Variants in CDC42BPA observed in about 807,000 individuals in gnomAD.
The protein encoded by CDC42BPA is CDC42 binding protein kinase alpha.
CDC42BPA carries 80 observed loss-of-function variants against 223.5 expected under a neutral mutation model. That is an observed-to-expected ratio of 0.36 (90% CI 0.30 to 0.43). CDC42BPA has a LOEUF of 0.43. Ranked by LOEUF, CDC42BPA falls within the 20% of genes least tolerant of loss-of-function variation. CDC42BPA has a pLI of 1.00. For synonymous variants in CDC42BPA, 694 were observed against 718.6 expected (o/e 0.97, Z 0.55); for missense variants, 1,743 against 2,099.9 (o/e 0.83, Z 3.32).
At chr1:227,240,192 T>TA (rs1288565926) in intron 2 of CDC42BPA, among the ~76,000 whole-genome samples, 14 of 152,224 alleles carry the variant, frequency 9.2e-5, no homozygotes, top group Middle Eastern at 3.4e-3. Context: ...TCAAAAAACT[T>TA]AAATACTTAG....
intron 34 of CDC42BPA, among the ~76,000 whole-genome samples, chr1:227,010,253 T>C (rs911885489): frequency 6.6e-6 from 1 of 152,218 alleles, no homozygotes; most frequent in Non-Finnish European, 1.5e-5. Context: ...TTTTCCTCTT[T>C]CTTTGCTTTA....
chr1:227,216,688 T>C (rs914284360), intron 2 of CDC42BPA, among the ~76,000 whole-genome samples: 17 of 152,342 alleles, frequency 1.1e-4, no homozygotes, highest in African/African-American at 3.6e-4. Context: ...CCTCAGGTCC[T>C]GTATTTTCAA....
intron 17 of CDC42BPA, among the ~76,000 whole-genome samples, chr1:227,076,723 C>T (rs1679566432): frequency 6.6e-6 from 1 of 152,144 alleles, no homozygotes; most frequent in Admixed American, 6.5e-5. Context: ...CATAATCACC[C>T]TCCCTACTAC....
intron 15 of CDC42BPA, among the ~76,000 whole-genome samples, chr1:227,093,186 A>T (rs1405558901): frequency 6.6e-6 from 1 of 152,144 alleles, no homozygotes; most frequent in Non-Finnish European, 1.5e-5. Context: ...GTCTCTAATT[A>T]TGTACAGTGA....
chr1:227,040,821 T>A (rs947640967), intron 23 of CDC42BPA, among the ~76,000 whole-genome samples: 4 of 152,224 alleles, frequency 2.6e-5, no homozygotes, highest in African/African-American at 9.6e-5. Context: ...TTGAAATTTC[T>A]TATTGAATAC....
At chr1:227,115,899 T>C (rs1687711514) in intron 12 of CDC42BPA, among the ~76,000 whole-genome samples, 1 of 151,522 alleles carries the variant, frequency 6.6e-6, no homozygotes, top group Non-Finnish European at 1.5e-5. Flanking sequence ...CAATCTCACT[T>C]ATAAAAAACA....
rs776419865 is a variant in CDC42BPA at position 227,101,015 on chromosome 1, T to C, written c.2226A>G (p.Lys742=). Residue 742 remains lysine, a synonymous_variant, in exon 15 of 37, where the codon AAA becomes AAG. Coordinates refer to ENST00000366766, the MANE Select transcript of CDC42BPA (RefSeq NM_001394014.1). ...ACCTTTCTCTTCTGGTTTTTTCCAA[T>C]TTGTCTTTTAAAATCATAATTTCTT... is the stretch of plus-strand genomic sequence containing the variant. ...LNKEIMILKD[K]LEKTRRESQS... The C allele has an allele frequency of 5.2e-6, 8 of 1,524,756 alleles. No homozygotes were observed. Among genetic ancestry groups the C allele is most frequent in the Non-Finnish European group, 6.3e-6 (7 of 1,105,406 alleles). The allele number at this position is 1,524,756 out of a possible 1,614,324, so 94.5% of individuals were successfully genotyped here.
chr1:227,234,665 C>T (rs16847492), intron 2 of CDC42BPA: 23,556 of 152,226 alleles, frequency 0.15, 2,254 homozygotes, highest in African/African-American at 0.25. Context: ...CTATTCTATC[C>T]ACCACGTGAG....
intron 9 of CDC42BPA, among the ~76,000 whole-genome samples, chr1:227,140,028 A>G (rs1055885856): frequency 2.0e-5 from 3 of 152,158 alleles, no homozygotes; most frequent in Non-Finnish European, 2.9e-5. Context: ...CAAATTATAA[A>G]ATTAAGTTTG....
chr1:227,002,354 C>A (rs1332550708), intron 35 of CDC42BPA, among the ~76,000 whole-genome samples: 1 of 152,194 alleles, frequency 6.6e-6, no homozygotes, highest in African/African-American at 2.4e-5. Context: ...TCCCACTTGG[C>A]AAGATTTTTT....
chr1:227,015,728 T>A (rs1203204679), intron 34 of CDC42BPA, among the ~76,000 whole-genome samples: 5 of 152,126 alleles, frequency 3.3e-5, no homozygotes, highest in African/African-American at 1.2e-4. Context: ...ATTGATTTGC[T>A]AACACGTAGT....
intron 1 of CDC42BPA, chr1:227,265,300 C>A (rs541475599): frequency 2.1e-6 from 1 of 466,014 alleles, no homozygotes; most frequent in Non-Finnish European, 3.9e-6. Context: ...CAAAAGGCTT[C>A]GTTTCCCTAC....
intron 10 of CDC42BPA, among the ~76,000 whole-genome samples, chr1:227,134,834 T>TA (rs1157479648): frequency 5.3e-5 from 8 of 152,084 alleles, no homozygotes; most frequent in South Asian, 4.1e-4. Flanking sequence ...TCAAAACATT[T>TA]AAAAAAAACC....
intron 2 of CDC42BPA, among the ~76,000 whole-genome samples, chr1:227,214,691 G>A (rs1025016480): frequency 6.6e-6 from 1 of 152,066 alleles, no homozygotes; most frequent in Non-Finnish European, 1.5e-5. Flanking sequence ...TTCTGATTGA[G>A]GGAAGAATAG....
chr1:227,150,783 T>C (rs1221441853), intron 6 of CDC42BPA, among the ~76,000 whole-genome samples: 1 of 150,254 alleles, frequency 6.7e-6, no homozygotes, highest in Non-Finnish European at 1.5e-5. Context: ...CCCATAAATG[T>C]ATTCAACTAT....
At chr1:227,258,831 A>G (rs1409298793) in intron 1 of CDC42BPA, among the ~76,000 whole-genome samples, 1 of 150,422 alleles carries the variant, frequency 6.6e-6, no homozygotes, top group Non-Finnish European at 1.5e-5. Context: ...AGCACACTCT[A>G]TGATTAAAAT....
chr1:227,247,047 A>G (rs1049149486), intron 2 of CDC42BPA, among the ~76,000 whole-genome samples: 6 of 151,972 alleles, frequency 3.9e-5, no homozygotes, highest in Non-Finnish European at 8.8e-5. Context: ...CTAAAAATAT[A>G]AAAATTAGCC....
At chr1:227,150,855 GAAAA>G (rs1215614965) in intron 6 of CDC42BPA, among the ~76,000 whole-genome samples, 1 of 71,142 alleles carries the variant, frequency 1.4e-5, no homozygotes, top group Non-Finnish European at 2.9e-5. Flanking sequence ...TTACCTCCCT[GAAAA>G]AAAAAAAAAG....
At chr1:227,189,768 T>A (rs751724303) in intron 5 of CDC42BPA, among the ~76,000 whole-genome samples, 3 of 152,164 alleles carry the variant, frequency 2.0e-5, no homozygotes, top group Non-Finnish European at 2.9e-5. Flanking sequence ...CTTTTACAAG[T>A]CTAGAAATAT....
Sources: gnomAD v4.1 joint callset for allele counts (sites outside exome capture counted in the v4.1 genomes callset) on GRCh38, gnomAD v4.1.1 for gene constraint, MANE v1.5 for transcripts, NCBI Gene and HGNC (gene_info 2026-07-23, HGNC 2026-07-21) for gene names.